Variants in FTCDNL1 observed in about 807,000 individuals in gnomAD.
FTCDNL1 encodes the protein formiminotransferase N-terminal subdomain-containing protein.
In FTCDNL1, 11 loss-of-function variants were observed where a neutral mutation model predicts 5.9. That is an observed-to-expected ratio of 1.87 (90% CI 1.18 to 3.10). The LOEUF (loss-of-function observed/expected upper bound fraction) is 3.10. Ranked by LOEUF, FTCDNL1 falls within the 30% of genes most tolerant of loss-of-function variation. The pLI, the probability that FTCDNL1 is intolerant of heterozygous loss-of-function variation, is 0.00. For synonymous variants in FTCDNL1, 58 were observed against 24.8 expected, an observed-to-expected ratio of 2.34 and a Z score of -3.99; for missense variants, 115 against 65.5, an observed-to-expected ratio of 1.76 and a Z score of -2.61.
chr2:199,740,428 A>G, the FTCDNL1 span, among the ~76,000 whole-genome samples: 4 of 152,090 alleles, frequency 2.6e-5, no homozygotes, highest in Admixed American at 1.3e-4. Context: ...GAATCGCCTT[A>G]TTTTCTGCCC....
At chr2:199,738,517 C>A in the FTCDNL1 span, among the ~76,000 whole-genome samples, 8 of 152,190 alleles carry the variant, frequency 5.3e-5, 1 homozygote, top group African/African-American at 1.7e-4. Context: ...ATATATAAAT[C>A]TAGGGCATTG....
Position 199,811,768 on chromosome 2 carries a change from A to G in FTCDNL1, c.*937T>C, listed in dbSNP as rs1255421541. Among the ~76,000 whole-genome samples the G allele has an allele frequency of 6.6e-6, 1 of 152,190 alleles. No homozygotes were observed. Among genetic ancestry groups the G allele is most frequent in the Admixed American group, 6.5e-5 (1 of 15,272 alleles). ...GCATGTCTAATAACTTCCCCCTGTT[A>G]GTAGAATTTCCAAAGTTGATCATTC... On this transcript the variant is annotated 3_prime_UTR_variant, in exon 5 of 5. Transcript: ENST00000420128.
chr2:199,784,473 G>T (rs931654551), intron 3 of FTCDNL1, among the ~76,000 whole-genome samples: 1 of 152,190 alleles, frequency 6.6e-6, no homozygotes, highest in African/African-American at 2.4e-5. Flanking sequence ...TGTAGATCGT[G>T]TTCCTTGGAA....
chr2:199,843,920 G>T (rs2106634195), intron 3 of FTCDNL1, among the ~76,000 whole-genome samples: 1 of 148,942 alleles, frequency 6.7e-6, no homozygotes, highest in Admixed American at 6.7e-5. Context: ...CAGCTCTAAA[G>T]AAAATCTTAG....
the FTCDNL1 span, among the ~76,000 whole-genome samples, chr2:199,665,148 G>C: frequency 6.6e-6 from 1 of 152,102 alleles, no homozygotes; most frequent in African/African-American, 2.4e-5. Flanking sequence ...ATCATTTTGG[G>C]ATACACAGAA....
At chr2:199,728,898 A>C in the FTCDNL1 span, among the ~76,000 whole-genome samples, 1 of 152,262 alleles carries the variant, frequency 6.6e-6, no homozygotes, top group Non-Finnish European at 1.5e-5. Context: ...CAGGTTTCCA[A>C]CAGCTTTAGG....
At chr2:199,697,351 A>G in the FTCDNL1 span, among the ~76,000 whole-genome samples, 2 of 152,184 alleles carry the variant, frequency 1.3e-5, no homozygotes, top group Non-Finnish European at 2.9e-5. Context: ...GGTCAGTGCA[A>G]AAGAAAAAAT....
At chr2:199,686,142 G>C in the FTCDNL1 span, among the ~76,000 whole-genome samples, 1 of 152,090 alleles carries the variant, frequency 6.6e-6, no homozygotes, top group Non-Finnish European at 1.5e-5. Flanking sequence ...GTTCAGCGTG[G>C]GTGTGAACAG....
intron 3 of FTCDNL1, among the ~76,000 whole-genome samples, chr2:199,839,768 AAC>A (rs1431088600): frequency 1.3e-5 from 2 of 152,244 alleles, no homozygotes; most frequent in Non-Finnish European, 2.9e-5. Context: ...TGGAAACAAG[AAC>A]TCAGTGACAC....
At chr2:199,841,305 T>C (rs531330453) in intron 3 of FTCDNL1, among the ~76,000 whole-genome samples, 69 of 151,922 alleles carry the variant, frequency 4.5e-4, no homozygotes, top group African/African-American at 1.6e-3. Context: ...GAGAATCGCT[T>C]GAACACAGGA....
At chr2:199,845,007 G>A (rs1187601774) in intron 3 of FTCDNL1, among the ~76,000 whole-genome samples, 2 of 151,740 alleles carry the variant, frequency 1.3e-5, no homozygotes, top group African/African-American at 2.4e-5. Flanking sequence ...CACCTTGGCC[G>A]CCCAAAGTGC....
At chr2:199,783,594 A>G (rs928463766) in intron 3 of FTCDNL1, among the ~76,000 whole-genome samples, 2 of 152,076 alleles carry the variant, frequency 1.3e-5, no homozygotes, top group African/African-American at 4.8e-5. Flanking sequence ...CATATCAATA[A>G]ATTCTCCCTT....
intron 3 of FTCDNL1, among the ~76,000 whole-genome samples, chr2:199,774,586 G>C (rs1698967954): frequency 6.6e-6 from 1 of 152,128 alleles, no homozygotes; most frequent in Non-Finnish European, 1.5e-5. Context: ...TACCAGCTCA[G>C]AGAGTTCCAG....
At chr2:199,743,956 C>T in the FTCDNL1 span, among the ~76,000 whole-genome samples, 3 of 152,188 alleles carry the variant, frequency 2.0e-5, no homozygotes, top group African/African-American at 7.2e-5. Context: ...TCTCTTCCTA[C>T]TGAACATGCC....
At chr2:199,729,856 A>G in the FTCDNL1 span, among the ~76,000 whole-genome samples, 2 of 152,204 alleles carry the variant, frequency 1.3e-5, no homozygotes, top group East Asian at 3.8e-4. Flanking sequence ...AACTACTTTA[A>G]ATTTTATACG....
chr2:199,694,082 G>A, the FTCDNL1 span, among the ~76,000 whole-genome samples: 2 of 152,258 alleles, frequency 1.3e-5, no homozygotes, highest in East Asian at 1.9e-4. Context: ...GCAGCCAAAA[G>A]GAAAGAAATG....
the FTCDNL1 span, among the ~76,000 whole-genome samples, chr2:199,715,235 A>G: frequency 1.3e-5 from 2 of 152,090 alleles, no homozygotes; most frequent in Non-Finnish European, 2.9e-5. Flanking sequence ...TATATATGCT[A>G]TATATATGCA....
intron 3 of FTCDNL1, among the ~76,000 whole-genome samples, chr2:199,845,356 C>A (rs978964857): frequency 2.0e-5 from 3 of 152,002 alleles, no homozygotes; most frequent in Non-Finnish European, 2.9e-5. Context: ...CACTTGAGGT[C>A]AGGAGTTTGA....
At chr2:199,844,615 G>GTTGTT (rs1158078529) in intron 3 of FTCDNL1, 19 of 425,456 alleles carry the variant, frequency 4.5e-5, no homozygotes, top group Middle Eastern at 3.1e-4. Context: ...TGGTCCCCTA[G>GTTGTT]TTGTTTTTCT....
Sources: allele counts gnomAD v4.1 joint callset (sites outside exome capture counted in the v4.1 genomes callset), GRCh38; gene constraint gnomAD v4.1.1; transcripts MANE v1.5; gene names NCBI Gene and HGNC (gene_info 2026-07-23, HGNC 2026-07-21).